RAD54L: variants seen among roughly 807,000 people sequenced by gnomAD.
The protein encoded by RAD54L is RAD54 like.
A neutral mutation model predicts 91.6 loss-of-function variants in RAD54L; 74 were observed. That is an observed-to-expected ratio of 0.81 (90% CI 0.67 to 0.98). The LOEUF is 0.98. Ranked by LOEUF, RAD54L falls within the 50% of genes least tolerant of loss-of-function variation. The probability of loss-of-function intolerance (pLI) is 0.00; values close to 1 mark genes in which losing one functional copy is unlikely to be tolerated. For synonymous variants in RAD54L, 304 were observed against 349.7 expected (o/e 0.87, Z 1.46); for missense variants, 887 against 945.7 (o/e 0.94, Z 0.81).
chr1:46,251,586 A>G (rs1659800233), intron 3 of RAD54L, among the ~76,000 whole-genome samples: 2 of 152,054 alleles, frequency 1.3e-5, no homozygotes, highest in South Asian at 2.1e-4. Context: ...TCACTAATAC[A>G]TTGTTTAATT....
rs775406174 is a variant in RAD54L, at chr1:46,250,112, G to C, written c.203G>C (p.Ser68Thr). Residue 68 changes from serine to threonine, a missense_variant, in exon 3 of 18, where the codon AGT (serine) becomes ACT (threonine). Transcript: ENST00000371975. Reference sequence around the variant, plus strand: ...AATCAACCACCTTGTCTGGACAGCAGTCAGCATGTAAGCCAGAACTGCAAC... The same window carrying C: ...AATCAACCACCTTGTCTGGACAGCACTCAGCATGTAAGCCAGAACTGCAAC... ...LTNQPPCLDSSQHEAFIRSIL... is the reference protein window; with the variant it reads ...LTNQPPCLDSTQHEAFIRSIL... 18 of 1,614,072 alleles carry C rather than the reference G, an allele frequency of 1.1e-5. No individual in the cohort carries two copies. Among genetic ancestry groups the C allele is most frequent in the Non-Finnish European group, 1.4e-5 (17 of 1,180,048 alleles).
At chr1:46,270,017 G>A (rs1412889535) in intron 9 of RAD54L, among the ~76,000 whole-genome samples, 3 of 151,730 alleles carry the variant, frequency 2.0e-5, no homozygotes, top group African/African-American at 7.3e-5. Context: ...AGGCTGTGGT[G>A]AGCCATGATT....
In RAD54L at chr1:46,278,108, C is replaced by T. The variant is rs1194815795; in HGVS notation, c.2070C>T (p.Ile690=). Residue 690 remains isoleucine, a synonymous_variant, in exon 18 of 18, where the codon ATC becomes ATT. Coordinates refer to ENST00000371975, the MANE Select transcript of RAD54L (RefSeq NM_003579.4). ...GACGTTGTGTCAACAGCCGTCAGAT[C>T]CGGCCACCCCCTGATGGTTCTGACT... ...HCRRCVNSRQ[I]RPPPDGSDCT... is the part of the protein sequence containing the mutation. 1.2e-6 allele frequency: 2 copies of T among 1,613,990 alleles called. No homozygotes were observed. Among genetic ancestry groups the T allele is most frequent in the Middle Eastern group, 1.6e-4 (1 of 6,062 alleles).
chr1:46,266,541 T>C (rs1300902291), intron 8 of RAD54L, among the ~76,000 whole-genome samples: 3 of 152,078 alleles, frequency 2.0e-5, no homozygotes, highest in Admixed American at 1.3e-4. Context: ...AAAGAAGTAG[T>C]AGAGGTGTGG....
chr1:46,277,946 C>T lies in RAD54L; in HGVS notation c.1999C>T (p.Leu667=). 6.2e-7 allele frequency: 1 copy of T among 1,614,120 alleles called. No homozygotes were observed. The highest frequency in any genetic ancestry group is 8.5e-7 in the Non-Finnish European group (1 of 1,180,028). ...GGGCGAGTTGAAGGAGCTGTTTATC[C>T]TGGATGAAGCTAGCCTCAGTGACAC... ...SLGELKELFI[L]DEASLSDTHD... is the part of the protein sequence containing the mutation. Residue 667 remains leucine (L), a synonymous_variant, in exon 17 of 18, where the codon CTG becomes TTG. Coordinates refer to ENST00000371975, the MANE Select transcript of RAD54L (RefSeq NM_003579.4).
In RAD54L at chr1:46,248,094, C is replaced by T. The variant is rs1013996641; in HGVS notation, c.-312C>T. On this transcript the variant is annotated 5_prime_UTR_variant, in exon 1 of 18. Transcript: ENST00000371975. Reference sequence around the variant, plus strand: ...TTCACCCGGACTGGGACCATCATCCCCACTCCACTCCGCCCAGTCTGGGAC... The same window carrying T: ...TTCACCCGGACTGGGACCATCATCCTCACTCCACTCCGCCCAGTCTGGGAC... 6.2e-6 allele frequency: 3 copies of T among 480,980 alleles called. No homozygotes were observed. Among genetic ancestry groups the T allele is most frequent in the South Asian group, 2.1e-5 (1 of 47,740 alleles). 29.8% of individuals were successfully genotyped at this position (480,980 alleles called of 1,614,324 possible). A position where few individuals can be genotyped will look rare whatever the true frequency, so the allele number is the denominator to read the frequency against.
At chr1:46,267,936 A>G (rs1660313489) in intron 9 of RAD54L, among the ~76,000 whole-genome samples, 1 of 152,182 alleles carries the variant, frequency 6.6e-6, no homozygotes, top group African/African-American at 2.4e-5. Context: ...TTGGCCTCAG[A>G]GCAAGCTCTG....
At chr1:46,256,316 C>T (rs540970357) in intron 3 of RAD54L, among the ~76,000 whole-genome samples, 29 of 152,124 alleles carry the variant, frequency 1.9e-4, no homozygotes, top group African/African-American at 6.8e-4. Context: ...TGGGCTTAAG[C>T]GGTCCTCCCA....
intron 3 of RAD54L, among the ~76,000 whole-genome samples, chr1:46,255,694 T>C (rs985046147): frequency 6.6e-6 from 1 of 151,820 alleles, no homozygotes; most frequent in Non-Finnish European, 1.5e-5. Flanking sequence ...AGAGACGGGG[T>C]TTCACCATGT....
At position 46,273,388 on chromosome 1, in the gene RAD54L, AG is replaced by A; in HGVS notation, c.1411del (p.Glu471ArgfsTer37). The A allele has an allele frequency of 6.2e-7, 1 of 1,613,838 alleles. No individual in the cohort carries two copies. The highest frequency in any genetic ancestry group is 8.5e-7 in the Non-Finnish European group (1 of 1,179,720). The stretch of plus-strand genomic sequence containing the variant: ...CTAATCTATGATAAGTGTGTGGAAG[AG>A]GAGGATGGCTTTGTGGGTGCCTTGG... ...PALIYDKCVEEEDGFVGALDL... is the reference protein window; with the variant it reads ...PALIYDKCVEXEDGFVGALDL... On this transcript the variant is annotated frameshift_variant, in exon 13 of 18. Coordinates refer to ENST00000371975, the MANE Select transcript of RAD54L (RefSeq NM_003579.4). LOFTEE classifies it high-confidence loss of function.
intron 8 of RAD54L, among the ~76,000 whole-genome samples, chr1:46,261,608 G>A (rs1056528611): frequency 4.6e-5 from 7 of 152,178 alleles, no homozygotes; most frequent in African/African-American, 1.4e-4. Context: ...TGAGATACTG[G>A]GGGCTGATTG....
intron 3 of RAD54L, among the ~76,000 whole-genome samples, chr1:46,256,310 C>T (rs1476880439): frequency 6.6e-6 from 1 of 152,080 alleles, no homozygotes; most frequent in Non-Finnish European, 1.5e-5. Flanking sequence ...AAATCCTGGG[C>T]TTAAGCGGTC....
chr1:46,277,925 G>T lies in RAD54L; in HGVS notation c.1978G>T (p.Glu660Ter). 1 of 1,614,128 alleles carries T rather than the reference G, an allele frequency of 6.2e-7. No individual in the cohort carries two copies. Among genetic ancestry groups the T allele is most frequent in the South Asian group, 1.1e-5 (1 of 91,078 alleles). Residue 660 changes from glutamate (E) to a stop codon, truncating the protein, a stop_gained, in exon 17 of 18, where the codon GAG (glutamate) becomes TAG (stop). Transcript: ENST00000371975. LOFTEE classifies it high-confidence loss of function. ...QDVERHFSLG[E>*]LKELFILDEA... ...TGTAGAGCGCCACTTCTCTCTGGGC[G>T]AGTTGAAGGAGCTGTTTATCCTGGA...
At chr1:46,274,022 G>T in intron 14 of RAD54L, 116 bp from the exon 15 acceptor site, 1 of 1,111,048 alleles carries the variant, frequency 9.0e-7, no homozygotes, top group South Asian at 1.4e-5. Context: ...AGTCCCTTCA[G>T]TGGCTCTCCA....
Position 46,272,446 on chromosome 1 carries a change from T to A in RAD54L, c.1170-20T>A. 6.3e-7 allele frequency: 1 copy of A among 1,587,322 alleles called. No individual in the cohort carries two copies. Among genetic ancestry groups the A allele is most frequent in the Non-Finnish European group, 8.7e-7 (1 of 1,155,614 alleles). On this transcript the variant is annotated intron_variant, in intron 10 of 17. Transcript: ENST00000371975. ...TGGCAATTTTACCAGCCTCTTGCCTTTTTATCCTGTTTTCTCTAGATGCCT... is the reference window on the plus strand; with the variant it reads ...TGGCAATTTTACCAGCCTCTTGCCTATTTATCCTGTTTTCTCTAGATGCCT...
intron 10 of RAD54L, 39 bp downstream of exon 10, chr1:46,270,824 A>C: frequency 6.2e-7 from 1 of 1,613,228 alleles, no homozygotes; most frequent in Non-Finnish European, 8.5e-7. Context: ...TTGCCTCCCA[A>C]ACCATCCATG....
chr1:46,250,152 CTG>C (rs1428730374), intron 3 of RAD54L, 33 bp downstream of exon 3: 3 of 1,613,510 alleles, frequency 1.9e-6, no homozygotes, highest in Non-Finnish European at 2.5e-6. Context: ...ATGTGTATGT[CTG>C]TGCCCAGTCA....
At chr1:46,272,945 A>G (rs893927861) in intron 12 of RAD54L, 143 bp downstream of exon 12, 9 of 1,258,574 alleles carry the variant, frequency 7.2e-6, no homozygotes, top group Middle Eastern at 2.6e-4. Flanking sequence ...TACCCAAGGC[A>G]TGAACCCTGC....
In RAD54L at chr1:46,261,285, C is replaced by A. The variant is rs1333209615; in HGVS notation, c.791C>A (p.Ala264Asp). 2 of 1,613,016 alleles carry A rather than the reference C, an allele frequency of 1.2e-6. No homozygotes were observed. The highest frequency in any genetic ancestry group is 8.5e-7 in the Non-Finnish European group (1 of 1,179,842). Residue 264 changes from alanine to aspartate, a missense_variant, in exon 8 of 18, where the codon GCC (alanine) becomes GAC (aspartate). By Grantham distance (126) the Ala-to-Asp change is moderately radical. Transcript: ENST00000371975. ...KLEGFMNQRG[A>D]RVSSPILIIS... ...GAAGGATTCATGAACCAGCGTGGAG[C>A]CAGGGTGTCTTCTCCCATCCTCATC... is the stretch of plus-strand genomic sequence containing the variant.
Sources: gnomAD v4.1 joint callset for allele counts (sites outside exome capture counted in the v4.1 genomes callset) on GRCh38, gnomAD v4.1.1 for gene constraint, MANE v1.5 for transcripts, NCBI Gene and HGNC (gene_info 2026-07-23, HGNC 2026-07-21) for gene names.